Variants in ROR1 observed in about 807,000 individuals in gnomAD.
ROR1 encodes ROR family WNT receptor 1.
ROR1 carries 19 observed loss-of-function variants against 78.8 expected under a neutral mutation model. The ratio of observed to expected loss-of-function variants is 0.24; its 90% confidence interval spans 0.17 to 0.35. The LOEUF is 0.35. Among genes scored for constraint, ROR1 ranks in the 10% least tolerant of loss-of-function variants. ROR1 has a pLI of 1.00. For synonymous variants in ROR1, 386 were observed against 433.6 expected (o/e 0.89, Z 1.36); for missense variants, 917 against 1,177.8 (o/e 0.78, Z 3.24).
At chr1:64,020,417 A>G (rs747082122) in intron 2 of ROR1, among the ~76,000 whole-genome samples, 29 of 152,238 alleles carry the variant, frequency 1.9e-4, no homozygotes, top group Admixed American at 5.2e-4. Flanking sequence ...GAAGATACAA[A>G]AATGAAAAAG....
At position 63,865,469 on chromosome 1, in the gene ROR1, G is replaced by A. The variant is rs777328691; in HGVS notation, c.91+90961G>A. Among the ~76,000 whole-genome samples, 4 of 152,126 alleles carry A rather than the reference G, an allele frequency of 2.6e-5. No homozygotes were observed. In the East Asian group the frequency reaches 5.8e-4, roughly 22 times the overall value. The stretch of plus-strand genomic sequence containing the variant: ...CAATTGCAGTTCAGGCATTGCCCTC[G>A]ACACAGGCTTAAGTTCAAGTCTCAG... On this transcript the variant is annotated intron_variant, in intron 1 of 8. Transcript: ENST00000371079.
chr1:63,892,139 G>A (rs1397727520), intron 1 of ROR1, among the ~76,000 whole-genome samples: 1 of 152,124 alleles, frequency 6.6e-6, no homozygotes, highest in Admixed American at 6.6e-5. Flanking sequence ...ATAGTGCTAG[G>A]TGCTGGAAAT....
intron 1 of ROR1, among the ~76,000 whole-genome samples, chr1:63,799,980 C>T (rs1045657175): frequency 3.9e-5 from 6 of 152,136 alleles, no homozygotes; most frequent in Non-Finnish European, 8.8e-5. Flanking sequence ...AGAAGAAAAT[C>T]AGTATAAAAT....
At chr1:64,171,881 G>T (rs1650253584) in intron 8 of ROR1, among the ~76,000 whole-genome samples, 1 of 152,182 alleles carries the variant, frequency 6.6e-6, no homozygotes, top group Non-Finnish European at 1.5e-5. Context: ...AATGTTGGCA[G>T]CTATTGCAAA....
chr1:64,053,814 A>G (rs1033571734), intron 4 of ROR1, among the ~76,000 whole-genome samples: 1 of 152,212 alleles, frequency 6.6e-6, no homozygotes, highest in African/African-American at 2.4e-5. Context: ...AGATTGTTAT[A>G]TATTAGTTCC....
At chr1:64,162,940 G>T (rs1557680330) in intron 8 of ROR1, among the ~76,000 whole-genome samples, 1 of 152,080 alleles carries the variant, frequency 6.6e-6, no homozygotes, top group African/African-American at 2.4e-5. Flanking sequence ...CTGTAAGCTT[G>T]CTTGGGTAAG....
intron 4 of ROR1, among the ~76,000 whole-genome samples, chr1:64,104,278 G>T (rs1005824130): frequency 3.3e-5 from 5 of 151,984 alleles, no homozygotes; most frequent in African/African-American, 7.2e-5. Context: ...GGTGCTGTGG[G>T]CAGCTGTCTC....
chr1:64,033,997 T>A lies in ROR1; in HGVS notation c.164-15694T>A, dbSNP rs1005148403. Among the ~76,000 whole-genome samples the A allele has an allele frequency of 2.0e-5, 3 of 152,168 alleles. No homozygotes were observed. In the South Asian group the frequency reaches 6.2e-4, roughly 32 times the overall value. ...GTCGTGTGTGTCTTTCTATTCACTG[T>A]TATCTCTAAATGTTAGTTACGTCAT... On this transcript the variant is annotated intron_variant, in intron 2 of 8. Coordinates refer to ENST00000371079, the MANE Select transcript of ROR1 (RefSeq NM_005012.4).
At chr1:64,058,541 A>G (rs1466011216) in intron 4 of ROR1, among the ~76,000 whole-genome samples, 1 of 150,928 alleles carries the variant, frequency 6.6e-6, no homozygotes, top group Non-Finnish European at 1.5e-5. Flanking sequence ...TTACTATGAA[A>G]AGCTATTGGA....
intron 1 of ROR1, among the ~76,000 whole-genome samples, chr1:63,787,460 T>TCCTGCCTTCCTG (rs1391087214): frequency 7.9e-6 from 1 of 126,400 alleles, no homozygotes; most frequent in African/African-American, 3.6e-5. Context: ...CTTCCTTCCT[T>TCCTGCCTTCCTG]CCTTCCTTCC....
At position 64,009,287 on chromosome 1, in the gene ROR1, C is replaced by T; in HGVS notation, c.92-18C>T. On this transcript the variant is annotated intron_variant, in intron 1 of 8. Transcript: ENST00000371079. ...ATATTGCCCTTGTCTTTCTCCCTTC[C>T]CTTCTTTTTCTTTTCAGAAACAGAG... 6.3e-7 allele frequency: 1 copy of T among 1,588,410 alleles called. No individual in the cohort carries two copies. The highest frequency in any genetic ancestry group is 8.6e-7 in the Non-Finnish European group (1 of 1,156,732).
chr1:63,974,823 T>C (rs976562055), intron 1 of ROR1, among the ~76,000 whole-genome samples: 5 of 152,100 alleles, frequency 3.3e-5, no homozygotes, highest in African/African-American at 1.2e-4. Context: ...TTATTTCTCA[T>C]ATCTTTCTCT....
At chr1:63,849,795 GC>G (rs2100328556) in intron 1 of ROR1, among the ~76,000 whole-genome samples, 1 of 152,302 alleles carries the variant, frequency 6.6e-6, no homozygotes, top group South Asian at 2.1e-4. Flanking sequence ...CCAATCCATT[GC>G]TAAGCCATCG....
chr1:64,004,880 C>T (rs1646416002), intron 1 of ROR1, among the ~76,000 whole-genome samples: 2 of 151,972 alleles, frequency 1.3e-5, no homozygotes, highest in South Asian at 4.2e-4. Context: ...AAGATAATAG[C>T]CCCTATTGAT....
intron 1 of ROR1, among the ~76,000 whole-genome samples, chr1:63,828,739 T>C (rs914374432): frequency 6.6e-6 from 1 of 152,164 alleles, no homozygotes; most frequent in Non-Finnish European, 1.5e-5. Flanking sequence ...CCCTGGCACA[T>C]AGTAGGTGTT....
chr1:63,908,120 C>A (rs1163775203), intron 1 of ROR1, among the ~76,000 whole-genome samples: 4 of 152,152 alleles, frequency 2.6e-5, no homozygotes, highest in South Asian at 2.1e-4. Context: ...TCTGTTATCA[C>A]CCCCAATTCA....
chr1:63,958,630 G>A (rs1188328330), intron 1 of ROR1, among the ~76,000 whole-genome samples: 2 of 152,180 alleles, frequency 1.3e-5, no homozygotes, highest in African/African-American at 4.8e-5. Flanking sequence ...TTACATAAAA[G>A]AGGTCTGGAT....
intron 1 of ROR1, among the ~76,000 whole-genome samples, chr1:63,931,774 CTTATT>C (rs1645754744): frequency 6.6e-6 from 1 of 151,332 alleles, no homozygotes; most frequent in African/African-American, 2.5e-5. Context: ...TTGAGTAACT[CTTATT>C]TTATTTAATA....
At chr1:64,161,223 CACAA>C (rs1357028917) in intron 8 of ROR1, among the ~76,000 whole-genome samples, 1 of 152,166 alleles carries the variant, frequency 6.6e-6, no homozygotes, top group East Asian at 1.9e-4. Flanking sequence ...GTAATTGAGA[CACAA>C]ACAGACTAAG....
Sources: allele counts gnomAD v4.1 joint callset (sites outside exome capture counted in the v4.1 genomes callset), GRCh38; gene constraint gnomAD v4.1.1; transcripts MANE v1.5; gene names NCBI Gene and HGNC (gene_info 2026-07-23, HGNC 2026-07-21).